POLR2M: variants seen among roughly 807,000 people sequenced by gnomAD.
The protein encoded by POLR2M is protein GRINL1A.
A neutral mutation model predicts 34.6 loss-of-function variants in POLR2M; 30 were observed. The ratio of observed to expected loss-of-function variants is 0.87; its 90% confidence interval spans 0.65 to 1.18. POLR2M has a LOEUF of 1.18. POLR2M is among the 50% of genes most tolerant of loss of function. The probability of loss-of-function intolerance (pLI) is 0.00; values close to 1 mark genes in which losing one functional copy is unlikely to be tolerated. For missense variants in POLR2M, 432 were observed against 448.7 expected, an observed-to-expected ratio of 0.96 and a Z score of 0.34; for synonymous variants, 150 against 166.7, an observed-to-expected ratio of 0.90 and a Z score of 0.77.
intron 1 of POLR2M, 38 bp from the exon 2 acceptor site, chr15:57,708,676 A>G (rs2040586860): frequency 6.7e-7 from 1 of 1,497,786 alleles, no homozygotes; most frequent in Non-Finnish European, 8.9e-7. Flanking sequence ...AGTTAAAAAA[A>G]TGGCTGTAAT....
In POLR2M at chr15:57,709,084, G is replaced by T. The variant is rs745435638; in HGVS notation, c.484G>T (p.Val162Leu). The change falls in exon 2 of 4, where the codon GTA (valine) becomes TTA (leucine). Residue 162 changes from valine (V) to leucine (L), a missense_variant. Val to Leu is a conservative substitution (Grantham distance 32). Transcript: ENST00000299638. ...CCCAGCTTCCAGCAATAGAGACAGG[G>T]TACCACCTTCATCTGAAGCTAGTGA... ...KGPASSNRDR[V>L]PPSSEASEHH... is the part of the protein sequence containing the mutation. 4.3e-6 allele frequency: 7 copies of T among 1,614,026 alleles called. No individual in the cohort carries two copies. In the African/African-American group the frequency reaches 8.0e-5, roughly 18 times the overall value.
In POLR2M at chr15:57,706,807, A is replaced by T. The variant is rs1263775001; in HGVS notation, c.-36A>T. 6.5e-7 allele frequency: 1 copy of T among 1,540,860 alleles called. No homozygotes were observed. Among genetic ancestry groups the T allele is most frequent in the Non-Finnish European group, 8.8e-7 (1 of 1,139,122 alleles). On this transcript the variant is annotated 5_prime_UTR_variant, in exon 1 of 4. Coordinates refer to ENST00000299638, the MANE Select transcript of POLR2M (RefSeq NM_015532.5). ...GTAGCGGGGCCTGCCGAGGAAGCCG[A>T]GTGCCCGCCGCCGCGCCAGCCTCAG... is the stretch of plus-strand genomic sequence containing the variant.
Position 57,706,828 on chromosome 15 carries a change from C to T in POLR2M, c.-15C>T. The T allele has an allele frequency of 1.9e-6, 3 of 1,553,388 alleles. No homozygotes were observed. The highest frequency in any genetic ancestry group is 2.6e-6 in the Non-Finnish European group (3 of 1,147,256). On this transcript the variant is annotated 5_prime_UTR_variant, in exon 1 of 4. Transcript: ENST00000299638. The stretch of plus-strand genomic sequence containing the variant: ...GCCGAGTGCCCGCCGCCGCGCCAGC[C>T]TCAGCCCGCGCAGAATGTGCTCGCT...
chr15:57,716,711 C>A lies in POLR2M; in HGVS notation c.*2032C>A, dbSNP rs1322093803. ...TTCTGTTGCTTGCTTGGAGAATTTG[C>A]TCTTTTTTTGGCATATAAGTTCTTA... On this transcript the variant is annotated 3_prime_UTR_variant, in exon 4 of 4. Transcript: ENST00000299638. The A allele has an allele frequency of 6.6e-6, 1 of 152,240 alleles. No individual in the cohort carries two copies. The highest frequency in any genetic ancestry group is 2.4e-5 in the African/African-American group (1 of 41,450). The allele number at this position is 152,240 out of a possible 1,614,324, so 9.4% of individuals were successfully genotyped here.
chr15:57,707,096 T>A (rs1261724514), intron 1 of POLR2M, 141 bp downstream of exon 1: 1 of 1,548,124 alleles, frequency 6.5e-7, no homozygotes, highest in South Asian at 1.2e-5. Flanking sequence ...TACGGGCGAG[T>A]GGACGGAGGG....
chr15:57,710,814 T>G (rs1776588229), intron 2 of POLR2M, among the ~76,000 whole-genome samples: 1 of 152,138 alleles, frequency 6.6e-6, no homozygotes, highest in Admixed American at 6.5e-5. Context: ...TGAGGAGTCC[T>G]TAGGCCATAG....
chr15:57,709,768 A>G (rs527241439), intron 2 of POLR2M, among the ~76,000 whole-genome samples: 37 of 152,332 alleles, frequency 2.4e-4, no homozygotes, highest in African/African-American at 8.7e-4. Flanking sequence ...TAATAAACAC[A>G]GAGTTGGAGA....
Position 57,709,364 on chromosome 15 carries a change from T to TA in POLR2M, c.758+7dup. On this transcript the variant is annotated splice_region_variant and intron_variant, in intron 2 of 3. Coordinates refer to ENST00000299638, the MANE Select transcript of POLR2M (RefSeq NM_015532.5). ...CGTAAATTTAAAACCAATGTGTAAG[T>TA]ACCCTCGGAAACAGGCCTGTAACAG... 6.2e-7 allele frequency: 1 copy of TA among 1,606,862 alleles called. No homozygotes were observed. The highest frequency in any genetic ancestry group is 8.5e-7 in the Non-Finnish European group (1 of 1,176,306).
rs781248690 is a variant in POLR2M, at chr15:57,714,858, T to G, written c.*179T>G. 61 of 1,023,278 alleles carry G rather than the reference T, an allele frequency of 6.0e-5. No homozygotes were observed. The highest frequency in any genetic ancestry group is 8.5e-5 in the Non-Finnish European group (61 of 719,166). The allele number at this position is 1,023,278 out of a possible 1,614,324, so 63.4% of individuals were successfully genotyped here. On this transcript the variant is annotated 3_prime_UTR_variant, in exon 4 of 4. Coordinates refer to ENST00000299638, the MANE Select transcript of POLR2M (RefSeq NM_015532.5). The stretch of plus-strand genomic sequence containing the variant: ...AGGTGACTTTCATGTGCTTGAAAAG[T>G]TTAATATTTGAATATTGTGTTTAAC...
chr15:57,709,902 A>G (rs1005710573), intron 2 of POLR2M, among the ~76,000 whole-genome samples: 2 of 152,190 alleles, frequency 1.3e-5, no homozygotes, highest in Non-Finnish European at 2.9e-5. Flanking sequence ...GCAGGAGCTG[A>G]TGGGCTTTCC....
intron 3 of POLR2M, among the ~76,000 whole-genome samples, chr15:57,713,161 T>C (rs1483481868): frequency 6.7e-6 from 1 of 150,110 alleles, no homozygotes; most frequent in African/African-American, 2.5e-5. Context: ...ACCACTGCAC[T>C]CTGTATAGCC....
intron 1 of POLR2M, among the ~76,000 whole-genome samples, chr15:57,707,984 G>A (rs1446138027): frequency 6.6e-6 from 1 of 152,144 alleles, no homozygotes; most frequent in African/African-American, 2.4e-5. Context: ...AATCAGAAAA[G>A]GAACTCTGTC....
chr15:57,708,961 A>G lies in POLR2M; in HGVS notation c.361A>G (p.Ile121Val), dbSNP rs753099638. ...LVPGCSSVDNIKSSQTSQNQG... is the reference protein window; with the variant it reads ...LVPGCSSVDNVKSSQTSQNQG... ...TCCTGGATGTTCCTCTGTAGATAAC[A>G]TCAAGTCATCTCAAACCTCACAAAA... is the stretch of plus-strand genomic sequence containing the variant. The change falls in exon 2 of 4, where the codon ATC becomes GTC. Residue 121 changes from isoleucine to valine, a missense_variant. By Grantham distance (29) the Ile-to-Val change is conservative (BLOSUM62 3). Coordinates refer to ENST00000299638, the MANE Select transcript of POLR2M (RefSeq NM_015532.5). 2.5e-6 allele frequency: 4 copies of G among 1,614,082 alleles called. No individual in the cohort carries two copies. Among genetic ancestry groups the G allele is most frequent in the South Asian group, 2.2e-5 (2 of 91,078 alleles).
rs771331678 is a variant in POLR2M at position 57,706,745 on chromosome 15, T to C, written c.-98T>C. ...CCGGGAAAATGGCGACTCCCGCTCGTGCCCCGGAGTCACCGCCGTCCGCGG... is the reference window on the plus strand; with the variant it reads ...CCGGGAAAATGGCGACTCCCGCTCGCGCCCCGGAGTCACCGCCGTCCGCGG... On this transcript the variant is annotated 5_prime_UTR_variant, in exon 1 of 4. Transcript: ENST00000299638. 4 of 1,360,660 alleles carry C rather than the reference T, an allele frequency of 2.9e-6. No individual in the cohort carries two copies. Among genetic ancestry groups the C allele is most frequent in the East Asian group, 5.1e-5 (2 of 38,946 alleles). 84.3% of individuals were successfully genotyped at this position (1,360,660 alleles called of 1,614,324 possible).
chr15:57,712,909 A>G (rs2040791162), intron 3 of POLR2M, among the ~76,000 whole-genome samples: 1 of 152,226 alleles, frequency 6.6e-6, no homozygotes, highest in Admixed American at 6.5e-5. Flanking sequence ...GGAGAACAGT[A>G]TCCTGTCTCA....
rs748071870 is a variant in POLR2M at position 57,711,845 on chromosome 15, C to G, written c.759-139C>G. On this transcript the variant is annotated intron_variant, in intron 2 of 3. Transcript: ENST00000299638. ...ACAAACACACCCCTATTTGTTAGAGCAATGAATACTGGTAAATTACTTACT... is the reference window on the plus strand; with the variant it reads ...ACAAACACACCCCTATTTGTTAGAGGAATGAATACTGGTAAATTACTTACT... 169 of 994,302 alleles carry G rather than the reference C, an allele frequency of 1.7e-4. 1 individual carries two copies. Among genetic ancestry groups the G allele is most frequent in the Non-Finnish European group, 2.3e-4 (152 of 674,366 alleles). The allele number at this position is 994,302 out of a possible 1,614,324, so 61.6% of individuals were successfully genotyped here. A position where few individuals can be genotyped will look rare whatever the true frequency, so the allele number is the denominator to read the frequency against.
chr15:57,712,646 T>C (rs28450999), intron 3 of POLR2M, among the ~76,000 whole-genome samples: 3,568 of 151,024 alleles, frequency 0.024, 146 homozygotes, highest in African/African-American at 0.083. Context: ...GAGGATAATG[T>C]TGTGTAGCCA....
chr15:57,714,647 G>A lies in POLR2M; in HGVS notation c.1075G>A (p.Glu359Lys). The A allele has an allele frequency of 6.2e-7, 1 of 1,612,168 alleles. No individual in the cohort carries two copies. The highest frequency in any genetic ancestry group is 8.5e-7 in the Non-Finnish European group (1 of 1,179,782). The change falls in exon 4 of 4, where the codon GAA (glutamate) becomes AAA (lysine). Residue 359 changes from glutamate (E) to lysine (K), a missense_variant. By Grantham distance (56) the Glu-to-Lys change is moderately conservative. Transcript: ENST00000299638. ...AGGGAGATACCGAGAAGTAAGGGAT[G>A]AAGATGACGATTGGTCCTCTGATGA... ...SSGRYREVRD[E>K]DDDWSSDEF
At position 57,709,394 on chromosome 15, in the gene POLR2M, G is replaced by C. The variant is rs200831988; in HGVS notation, c.758+36G>C. ...TCGGAAACAGGCCTGTAACAGGAAC[G>C]TGATATTTGTTAAACTCAAAAATTT... On this transcript the variant is annotated intron_variant, in intron 2 of 3. Transcript: ENST00000299638. 3 of 1,568,514 alleles carry C rather than the reference G, an allele frequency of 1.9e-6. No homozygotes were observed. In the Admixed American group the frequency reaches 5.6e-5, roughly 29 times the overall value.
Sources: allele counts gnomAD v4.1 joint callset (sites outside exome capture counted in the v4.1 genomes callset), GRCh38; gene constraint gnomAD v4.1.1; transcripts MANE v1.5; gene names NCBI Gene and HGNC (gene_info 2026-07-23, HGNC 2026-07-21).